Variants in FRMD4B observed in about 807,000 individuals in gnomAD.
FRMD4B encodes FERM domain-containing protein 4B.
In FRMD4B, 74 loss-of-function variants were observed where a neutral mutation model predicts 141.5. The observed-to-expected ratio is 0.52, with a 90% CI of 0.43 to 0.63. The LOEUF is 0.63. FRMD4B is among the 30% of genes least tolerant of loss of function. The probability of loss-of-function intolerance (pLI) is 0.00; values close to 1 mark genes in which losing one functional copy is unlikely to be tolerated. For synonymous variants in FRMD4B, 506 were observed against 467.9 expected, an observed-to-expected ratio of 1.08 and a Z score of -1.05; for missense variants, 1,366 against 1,253.4, an observed-to-expected ratio of 1.09 and a Z score of -1.36.
chr3:69,224,711 G>C, intron 7 of FRMD4B, 21 bp from the exon 8 acceptor site: 1 of 1,176,624 alleles, frequency 8.5e-7, no homozygotes, highest in Non-Finnish European at 1.2e-6. Context: ...ATGGAATATG[G>C]TAATGTCAGG....
chr3:69,284,003 A>G lies in FRMD4B; in HGVS notation c.501+3749T>C, dbSNP rs576725421. On this transcript the variant is annotated intron_variant, in intron 5 of 22. Coordinates refer to ENST00000398540, the MANE Select transcript of FRMD4B (RefSeq NM_015123.3). ...AAAAAACAAAAAACAGACAAAATAT[A>G]TAAAACAACAGTTTTCATAACACTG... is the stretch of plus-strand genomic sequence containing the variant. 1.3e-4 allele frequency among the ~76,000 whole-genome samples: 20 copies of G among 152,234 alleles called. No homozygotes were observed. The South Asian group carries it at 3.7e-3, about 28-fold the overall frequency.
intron 1 of FRMD4B, among the ~76,000 whole-genome samples, chr3:69,487,870 C>A (rs1400526983): frequency 6.6e-6 from 1 of 152,140 alleles, no homozygotes; most frequent in Non-Finnish European, 1.5e-5. Context: ...ACTTCAAAAA[C>A]CTTGCTAAAT....
intron 1 of FRMD4B, among the ~76,000 whole-genome samples, chr3:69,468,348 T>C (rs974944350): frequency 6.6e-6 from 1 of 152,172 alleles, no homozygotes; most frequent in Non-Finnish European, 1.5e-5. Context: ...TTTTCTTGTG[T>C]AGTAGACACT....
chr3:69,426,405 T>C (rs1278845535), intron 2 of FRMD4B, among the ~76,000 whole-genome samples: 1 of 151,976 alleles, frequency 6.6e-6, no homozygotes, highest in African/African-American at 2.4e-5. Context: ...CAACAGAGAA[T>C]AGTCCAGAAG....
intron 5 of FRMD4B, among the ~76,000 whole-genome samples, chr3:69,265,266 AAAAATATATATAT>A (rs1171512855): frequency 5.4e-5 from 1 of 18,532 alleles, no homozygotes; most frequent in East Asian, 1.6e-3. Flanking sequence ...AAAAAAAAAA[AAAAATATATATAT>A]ATATATATAT....
intron 1 of FRMD4B, among the ~76,000 whole-genome samples, chr3:69,533,210 A>C (rs1701029649): frequency 6.6e-6 from 1 of 152,228 alleles, no homozygotes. Context: ...ATTTGGAACA[A>C]GATGAACCAT....
chr3:69,504,908 C>T (rs1379809257), intron 1 of FRMD4B, among the ~76,000 whole-genome samples: 1 of 152,198 alleles, frequency 6.6e-6, no homozygotes, highest in Non-Finnish European at 1.5e-5. Flanking sequence ...CTTCCTTTCT[C>T]ATTTGAAGGG....
At chr3:69,289,202 C>T (rs1248599842) in intron 4 of FRMD4B, among the ~76,000 whole-genome samples, 1 of 152,114 alleles carries the variant, frequency 6.6e-6, no homozygotes, top group East Asian at 1.9e-4. Context: ...GTTTCATGTC[C>T]ACCATTTATT....
Position 69,181,324 on chromosome 3 carries a change from T to C in FRMD4B, c.2426A>G (p.Tyr809Cys). The change falls in exon 21 of 23, where the codon TAC (tyrosine) becomes TGC (cysteine). Residue 809 changes from tyrosine to cysteine, a missense_variant. Physicochemically the swap from Tyr to Cys is radical, Grantham distance 194. Coordinates refer to ENST00000398540, the MANE Select transcript of FRMD4B (RefSeq NM_015123.3). ...AAAGTCACACTCTGCATAGGGTGTGTACCCGGCAATGTAGTAACTGGAAGA... is the reference window on the plus strand; with the variant it reads ...AAAGTCACACTCTGCATAGGGTGTGCACCCGGCAATGTAGTAACTGGAAGA... ...PPSSSYYIAG[Y>C]TPYAECDFYY... is the part of the protein sequence containing the mutation. The C allele has an allele frequency of 6.2e-7, 1 of 1,613,742 alleles. No homozygotes were observed. Among genetic ancestry groups the C allele is most frequent in the Non-Finnish European group, 8.5e-7 (1 of 1,179,650 alleles).
At chr3:69,350,742 C>T (rs1703114787) in intron 1 of FRMD4B, among the ~76,000 whole-genome samples, 1 of 148,306 alleles carries the variant, frequency 6.7e-6, no homozygotes, top group East Asian at 2.0e-4. Context: ...CCAAACACTG[C>T]ATGTTCTCAC....
intron 2 of FRMD4B, among the ~76,000 whole-genome samples, chr3:69,393,587 T>C (rs1458340696): frequency 6.6e-6 from 1 of 152,196 alleles, no homozygotes; most frequent in Non-Finnish European, 1.5e-5. Flanking sequence ...TTTGTCACCT[T>C]TTATTTATAC....
chr3:69,414,953 C>T (rs1704828689), intron 2 of FRMD4B, among the ~76,000 whole-genome samples: 1 of 151,154 alleles, frequency 6.6e-6, no homozygotes, highest in Non-Finnish European at 1.5e-5. Context: ...GCAACCTCCG[C>T]CTCCCGGGTT....
At chr3:69,384,104 C>A (rs948787881) in intron 1 of FRMD4B, among the ~76,000 whole-genome samples, 1 of 152,152 alleles carries the variant, frequency 6.6e-6, no homozygotes, top group East Asian at 1.9e-4. Flanking sequence ...CTGACTACCA[C>A]CATTATTTTA....
At chr3:69,226,328 A>T (rs752593566) in intron 7 of FRMD4B, among the ~76,000 whole-genome samples, 1 of 152,186 alleles carries the variant, frequency 6.6e-6, no homozygotes, top group East Asian at 1.9e-4. Flanking sequence ...AATATACCAC[A>T]ATCCAATTCA....
Position 69,273,573 on chromosome 3 carries a change from A to C in FRMD4B, c.501+14179T>G, listed in dbSNP as rs2093604910. ...AAACAGAGTAAGACTGAAAGCTGAA[A>C]ATGTCTAATTTTATGATTGTTACTC... On this transcript the variant is annotated intron_variant, in intron 5 of 22. Coordinates refer to ENST00000398540, the MANE Select transcript of FRMD4B (RefSeq NM_015123.3). 1.3e-5 allele frequency among the ~76,000 whole-genome samples: 2 copies of C among 152,336 alleles called. 1 individual carries two copies. The highest frequency in any genetic ancestry group is 4.8e-5 in the African/African-American group (2 of 41,572).
At chr3:69,480,112 A>T (rs201024091) in intron 1 of FRMD4B, among the ~76,000 whole-genome samples, 1 of 150,274 alleles carries the variant, frequency 6.7e-6, no homozygotes. Context: ...ATTCGTCTAA[A>T]TTTTTTTCAA....
intron 3 of FRMD4B, among the ~76,000 whole-genome samples, chr3:69,302,653 A>G (rs1025967990): frequency 3.3e-5 from 5 of 152,266 alleles, no homozygotes; most frequent in African/African-American, 1.2e-4. Flanking sequence ...GAGTACATCA[A>G]GGTAAACTTG....
intron 2 of FRMD4B, among the ~76,000 whole-genome samples, chr3:69,416,443 G>A (rs1159803283): frequency 6.6e-6 from 1 of 152,192 alleles, no homozygotes; most frequent in African/African-American, 2.4e-5. Context: ...ACTGCACCCA[G>A]CTGAGAATAT....
intron 7 of FRMD4B, among the ~76,000 whole-genome samples, chr3:69,225,519 CAAAAAAAAA>C (rs35855787): frequency 7.9e-5 from 4 of 50,572 alleles, no homozygotes; most frequent in African/African-American, 1.7e-4. Flanking sequence ...ACTAAAAATA[CAAAAAAAAA>C]AAAAAAAAAA....
Sources: allele counts gnomAD v4.1 joint callset (sites outside exome capture counted in the v4.1 genomes callset), GRCh38; gene constraint gnomAD v4.1.1; transcripts MANE v1.5; gene names NCBI Gene and HGNC (gene_info 2026-07-23, HGNC 2026-07-21).